Variants in UNC5D observed in about 807,000 individuals in gnomAD.
The protein encoded by UNC5D is unc-5 netrin receptor D, also known as netrin receptor UNC5D.
A neutral mutation model predicts 105.4 loss-of-function variants in UNC5D; 39 were observed. The observed-to-expected ratio is 0.37, with a 90% CI of 0.29 to 0.48. The LOEUF (loss-of-function observed/expected upper bound fraction) is 0.48. UNC5D is among the 20% of genes least tolerant of loss of function. The pLI, the probability that UNC5D is intolerant of heterozygous loss-of-function variation, is 0.98. For synonymous variants in UNC5D, 452 were observed against 450.4 expected (o/e 1.00, Z -0.04); for missense variants, 991 against 1,202.4 (o/e 0.82, Z 2.60).
At chr8:35,584,788 A>T (rs906380081) in intron 3 of UNC5D, among the ~76,000 whole-genome samples, 5 of 152,068 alleles carry the variant, frequency 3.3e-5, no homozygotes, top group African/African-American at 1.2e-4. Context: ...TGGCTATGTT[A>T]TAGCCTTTGT....
chr8:35,306,391 T>G (rs779705323), intron 1 of UNC5D, among the ~76,000 whole-genome samples: 2 of 152,106 alleles, frequency 1.3e-5, no homozygotes, highest in Non-Finnish European at 2.9e-5. Context: ...GTAGTCATTT[T>G]TAAAGGGAGA....
intron 1 of UNC5D, among the ~76,000 whole-genome samples, chr8:35,277,557 T>C (rs1805858907): frequency 6.6e-6 from 1 of 152,200 alleles, no homozygotes; most frequent in South Asian, 2.1e-4. Flanking sequence ...CTTGGGTGAC[T>C]TTTCTCAAGC....
chr8:35,368,113 A>G (rs1362877758), intron 1 of UNC5D, among the ~76,000 whole-genome samples: 1 of 152,192 alleles, frequency 6.6e-6, no homozygotes, highest in African/African-American at 2.4e-5. Flanking sequence ...TGGCAAAAGA[A>G]AGAGAACTTA....
intron 1 of UNC5D, among the ~76,000 whole-genome samples, chr8:35,306,626 G>A (rs182319448): frequency 5.7e-4 from 87 of 152,180 alleles, no homozygotes; most frequent in African/African-American, 2.1e-3. Context: ...TCATGTATTA[G>A]CTATTTCAGG....
At chr8:35,295,978 T>A (rs971535743) in intron 1 of UNC5D, among the ~76,000 whole-genome samples, 3 of 152,216 alleles carry the variant, frequency 2.0e-5, no homozygotes. Context: ...TGCAGGTTCA[T>A]CTATGTTGTC....
rs192770194 is a variant in UNC5D at position 35,748,321 on chromosome 8, T to C, written c.1767-206T>C. The stretch of plus-strand genomic sequence containing the variant: ...GTTGGTGGGTTTGTCAAAACCTAGA[T>C]TTGAAATCTAGGCTTAAACTCCTTC... On this transcript the variant is annotated intron_variant, in intron 11 of 16. Coordinates refer to ENST00000404895, the MANE Select transcript of UNC5D (RefSeq NM_080872.4). Among the ~76,000 whole-genome samples, 6 of 152,314 alleles carry C rather than the reference T, an allele frequency of 3.9e-5. No individual in the cohort carries two copies. The East Asian group carries it at 1.2e-3, about 29-fold the overall frequency.
At chr8:35,644,157 C>T (rs1359928726) in intron 4 of UNC5D, among the ~76,000 whole-genome samples, 1 of 152,076 alleles carries the variant, frequency 6.6e-6, no homozygotes, top group Non-Finnish European at 1.5e-5. Context: ...AGTCAAAAGT[C>T]CAGGCTCTAC....
intron 1 of UNC5D, among the ~76,000 whole-genome samples, chr8:35,248,978 T>TAAAA: frequency 1.2e-5 from 1 of 86,926 alleles, no homozygotes; most frequent in African/African-American, 4.7e-5. Context: ...ATTATATATT[T>TAAAA]TTATATAATA....
chr8:35,621,484 T>C (rs1327783326), intron 4 of UNC5D, among the ~76,000 whole-genome samples: 2 of 152,090 alleles, frequency 1.3e-5, no homozygotes, highest in African/African-American at 2.4e-5. Context: ...GTTACATGTA[T>C]TGGGTCATTG....
In UNC5D at chr8:35,398,735, C is replaced by T. The variant is rs1238534330; in HGVS notation, c.104-150557C>T. On this transcript the variant is annotated intron_variant, in intron 1 of 16. Transcript: ENST00000404895. ...TTAGTGGTGGGATGTTTTACCTCTG[C>T]AAAAAAGTCTCAGGCTTGTGGTTTT... Among the ~76,000 whole-genome samples, 3 of 151,966 alleles carry T rather than the reference C, an allele frequency of 2.0e-5. No homozygotes were observed. In the East Asian group the frequency reaches 5.8e-4, roughly 29 times the overall value.
At chr8:35,460,530 G>C (rs897191673) in intron 1 of UNC5D, among the ~76,000 whole-genome samples, 1 of 152,300 alleles carries the variant, frequency 6.6e-6, no homozygotes, top group Admixed American at 6.5e-5. Flanking sequence ...GTAAGGTAAA[G>C]TTTAAACCAA....
intron 1 of UNC5D, among the ~76,000 whole-genome samples, chr8:35,306,648 T>C (rs1233346500): frequency 6.6e-6 from 1 of 152,168 alleles, no homozygotes; most frequent in African/African-American, 2.4e-5. Flanking sequence ...AGGTGATTAC[T>C]TTAGATTTAC....
At position 35,722,329 on chromosome 8, in the gene UNC5D, G is replaced by C; in HGVS notation, c.1237G>C (p.Asp413His). The change falls in exon 9 of 17, where the codon GAC becomes CAC. Residue 413 changes from aspartate (D) to histidine (H), a missense_variant. This residue lies in a region of UNC5D where 944 missense variants were observed against 1,131.6 expected (regional missense o/e 0.83). Transcript: ENST00000404895. ...ACGGAGCCAGAGTGACTATGGCGTGGACGTCATTGACTCTTCTGCATTGAC... is the reference window on the plus strand; with the variant it reads ...ACGGAGCCAGAGTGACTATGGCGTGCACGTCATTGACTCTTCTGCATTGAC... ...YRRSQSDYGV[D>H]VIDSSALTGG... 1.2e-6 allele frequency: 2 copies of C among 1,614,164 alleles called. No homozygotes were observed. Among genetic ancestry groups the C allele is most frequent in the Non-Finnish European group, 1.7e-6 (2 of 1,180,016 alleles).
chr8:35,672,736 T>A (rs1824906822), intron 4 of UNC5D, among the ~76,000 whole-genome samples: 1 of 152,194 alleles, frequency 6.6e-6, no homozygotes, highest in Non-Finnish European at 1.5e-5. Flanking sequence ...CTCTTTACAT[T>A]AAACATGTTT....
At chr8:35,498,084 CAAAAAAAAA>C (rs58175711) in intron 1 of UNC5D, among the ~76,000 whole-genome samples, 22 of 58,190 alleles carry the variant, frequency 3.8e-4, no homozygotes, top group South Asian at 5.5e-4. Context: ...CAAAACAAAA[CAAAAAAAAA>C]AAAAAAAAAA....
Position 35,684,687 on chromosome 8 carries a change from A to G in UNC5D, c.857A>G (p.Asn286Ser). Residue 286 changes from asparagine to serine, a missense_variant, in exon 6 of 17, where the codon AAT becomes AGT. Transcript: ENST00000404895. The stretch of plus-strand genomic sequence containing the variant: ...ACCTGCACCAACCCAGCTCCTCTCA[A>G]TGGTGGGGCCTTTTGTGAGGGAATG... ...SRTCTNPAPL[N>S]GGAFCEGMSV... 6.2e-7 allele frequency: 1 copy of G among 1,613,924 alleles called. No individual in the cohort carries two copies.
intron 1 of UNC5D, among the ~76,000 whole-genome samples, chr8:35,277,281 T>A (rs1805840060): frequency 6.6e-6 from 1 of 152,216 alleles, no homozygotes. Context: ...AATTAATAAA[T>A]TAGCATTGAA....
intron 11 of UNC5D, among the ~76,000 whole-genome samples, chr8:35,742,107 G>GAT (rs928403938): frequency 2.0e-5 from 3 of 152,126 alleles, no homozygotes; most frequent in Non-Finnish European, 2.9e-5. Flanking sequence ...AGAAGTAGAA[G>GAT]ACATAGCCAC....
intron 2 of UNC5D, among the ~76,000 whole-genome samples, chr8:35,560,725 T>C (rs1042379250): frequency 2.6e-5 from 4 of 152,152 alleles, no homozygotes; most frequent in African/African-American, 7.2e-5. Context: ...GGGATGGTAA[T>C]GTCACTTGTG....
Sources: allele counts gnomAD v4.1 joint callset (sites outside exome capture counted in the v4.1 genomes callset), GRCh38; gene constraint gnomAD v4.1.1; regional missense constraint gnomAD v4.1.1; transcripts MANE v1.5; gene names NCBI Gene and HGNC (gene_info 2026-07-23, HGNC 2026-07-21).